Variants in AOPEP observed in about 807,000 individuals in gnomAD.
The protein encoded by AOPEP is aminopeptidase O.
Under a neutral mutation model 98.1 loss-of-function variants are expected in AOPEP, and 77 were observed. That is an observed-to-expected ratio of 0.78 (90% CI 0.65 to 0.95). The LOEUF is 0.95. Among genes scored for constraint, AOPEP ranks in the 40% least tolerant of loss-of-function variants. AOPEP has a pLI of 0.00. For missense variants in AOPEP, 1,024 were observed against 1,024.7 expected (o/e 1.00, Z 0.01); for synonymous variants, 346 against 365.3 (o/e 0.95, Z 0.60).
chr9:95,014,132 T>C (rs1411508277), intron 13 of AOPEP, among the ~76,000 whole-genome samples: 3 of 152,172 alleles, frequency 2.0e-5, no homozygotes, highest in African/African-American at 7.2e-5. Context: ...ACTTTGAAAT[T>C]TAGACAGCCT....
the AOPEP span, chr9:95,117,230 A>C: frequency 1.7e-6 from 2 of 1,171,772 alleles, no homozygotes; most frequent in Non-Finnish European, 2.5e-6. Context: ...CATGCTGTAG[A>C]TAAGGGCCTG....
At chr9:95,024,649 C>T (rs1244349739) in intron 13 of AOPEP, among the ~76,000 whole-genome samples, 3 of 152,176 alleles carry the variant, frequency 2.0e-5, no homozygotes, top group African/African-American at 4.8e-5. Context: ...GCCAGAGTGT[C>T]TCTGAGAGGA....
At chr9:94,951,067 T>G (rs2058070319) in intron 7 of AOPEP, among the ~76,000 whole-genome samples, 1 of 152,222 alleles carries the variant, frequency 6.6e-6, no homozygotes, top group Non-Finnish European at 1.5e-5. Context: ...CACGTCAATC[T>G]CAGTTGTTGC....
the AOPEP span, chr9:95,123,408 G>A: frequency 1.3e-5 from 6 of 452,142 alleles, no homozygotes; most frequent in South Asian, 9.5e-5. Flanking sequence ...GGGAGGCCAA[G>A]GTGGGAAGAT....
intron 5 of AOPEP, among the ~76,000 whole-genome samples, chr9:94,810,418 G>A (rs966285394): frequency 4.0e-5 from 6 of 151,430 alleles, no homozygotes; most frequent in Non-Finnish European, 8.8e-5. Context: ...AGGTTCAAGC[G>A]ATTCTCCTGC....
intron 4 of AOPEP, 114 bp from the exon 5 acceptor site, chr9:94,800,643 T>C (rs1848010592): frequency 9.1e-7 from 1 of 1,094,216 alleles, no homozygotes; most frequent in Admixed American, 1.8e-5. Context: ...AGTCTTTGCT[T>C]GTGAGTCTGT....
chr9:94,898,205 AAAT>A (rs1357076226), intron 5 of AOPEP, among the ~76,000 whole-genome samples: 1 of 152,220 alleles, frequency 6.6e-6, no homozygotes, highest in Non-Finnish European at 1.5e-5. Flanking sequence ...GTAGGTGGCT[AAAT>A]AAGCAAGAAT....
chr9:95,128,592 G>A, the AOPEP span, among the ~76,000 whole-genome samples: 1 of 152,224 alleles, frequency 6.6e-6, no homozygotes, highest in Non-Finnish European at 1.5e-5. Flanking sequence ...CACTGGGGGA[G>A]CAAGGAAGAC....
At chr9:95,107,055 G>A in the AOPEP span, 1 of 1,614,048 alleles carries the variant, frequency 6.2e-7, no homozygotes, top group South Asian at 1.1e-5. Flanking sequence ...CTGGACCACA[G>A]GGAGACTTAC....
intron 5 of AOPEP, among the ~76,000 whole-genome samples, chr9:94,838,255 T>A (rs1199348287): frequency 6.6e-6 from 1 of 152,164 alleles, no homozygotes; most frequent in Non-Finnish European, 1.5e-5. Context: ...GTGATCTGCC[T>A]GCCTCGGCCT....
intron 5 of AOPEP, among the ~76,000 whole-genome samples, chr9:94,860,792 G>A (rs942241215): frequency 2.0e-5 from 3 of 152,146 alleles, no homozygotes; most frequent in Non-Finnish European, 2.9e-5. Context: ...TACATGTCAG[G>A]TTTAAGAAGC....
chr9:94,988,283 C>G (rs1186436462), intron 11 of AOPEP, among the ~76,000 whole-genome samples: 1 of 152,190 alleles, frequency 6.6e-6, no homozygotes, highest in Non-Finnish European at 1.5e-5. Context: ...CACCCAAATC[C>G]TACTCACGAC....
intron 5 of AOPEP, among the ~76,000 whole-genome samples, chr9:94,913,976 G>T (rs2052442809): frequency 6.6e-6 from 1 of 152,186 alleles, no homozygotes; most frequent in Non-Finnish European, 1.5e-5. Context: ...GCAGAAGTTT[G>T]TGTCTTTGCC....
In AOPEP at chr9:94,800,757, G is replaced by A. The variant is rs748465236; in HGVS notation, c.1119G>A (p.Arg373=). The A allele has an allele frequency of 3.1e-6, 5 of 1,613,694 alleles. No homozygotes were observed. In the South Asian group the frequency reaches 3.3e-5, roughly 11 times the overall value. The change falls in exon 5 of 17, where the codon AGG becomes AGA. Residue 373 remains arginine, a splice_region_variant and synonymous_variant. Coordinates refer to ENST00000375315, the MANE Select transcript of AOPEP (RefSeq NM_001193329.3). ...RPFSPSEANF[R]HVGVCSHMEY... is the part of the protein sequence containing the mutation. ...ACCATTTATTTTGTGTTATTCCCAG[G>A]CATGTTGGTGTTTGCAGTCACATGG...
At chr9:94,739,530 A>G (rs1447066275) in intron 1 of AOPEP, among the ~76,000 whole-genome samples, 1 of 152,020 alleles carries the variant, frequency 6.6e-6, no homozygotes, top group African/African-American at 2.4e-5. Context: ...CTGTAATCCC[A>G]GCTACTTGGG....
At chr9:95,085,732 G>C (rs1011784) in intron 16 of AOPEP, among the ~76,000 whole-genome samples, 104,409 of 152,132 alleles carry the variant, frequency 0.69, 36,192 homozygotes, top group Non-Finnish European at 0.73. Context: ...ACAGAAACAT[G>C]CACTAATCGG....
the AOPEP span, among the ~76,000 whole-genome samples, chr9:95,093,880 G>GC: frequency 5.7e-4 from 87 of 152,352 alleles, no homozygotes; most frequent in African/African-American, 2.0e-3. Flanking sequence ...CCTCAGTGTA[G>GC]CCTTGGGCAC....
chr9:95,033,681 A>C (rs1267564309), intron 13 of AOPEP, among the ~76,000 whole-genome samples: 2 of 152,220 alleles, frequency 1.3e-5, no homozygotes, highest in African/African-American at 4.8e-5. Context: ...TTCATCAAAA[A>C]GGCCACATGG....
intron 10 of AOPEP, among the ~76,000 whole-genome samples, chr9:94,978,924 A>G (rs1026664342): frequency 2.0e-5 from 3 of 152,060 alleles, no homozygotes; most frequent in African/African-American, 7.2e-5. Context: ...AGTGATTTGT[A>G]TTATTTTTGC....
Sources: gnomAD v4.1 joint callset for allele counts (sites outside exome capture counted in the v4.1 genomes callset) on GRCh38, gnomAD v4.1.1 for gene constraint, MANE v1.5 for transcripts, NCBI Gene and HGNC (gene_info 2026-07-23, HGNC 2026-07-21) for gene names.